KMT2E: variants seen among roughly 807,000 people sequenced by gnomAD.
KMT2E encodes the protein histone reader KMT2E.
Under a neutral mutation model 184.6 loss-of-function variants are expected in KMT2E, and 30 were observed. The observed-to-expected ratio is 0.16, with a 90% CI of 0.12 to 0.22. The LOEUF (loss-of-function observed/expected upper bound fraction) is 0.22. Ranked by LOEUF, KMT2E falls within the 10% of genes least tolerant of loss-of-function variation. KMT2E has a pLI of 1.00. For synonymous variants in KMT2E, 815 were observed against 776.5 expected (o/e 1.05, Z -0.82); for missense variants, 2,023 against 2,237.4 (o/e 0.90, Z 1.93).
Position 105,078,838 on chromosome 7 carries a change from C to G in KMT2E, c.1131-8C>G, listed in dbSNP as rs1456716835. ...TGTTAATAGCTTATAATGTTTCTTT[C>G]TTTGTAGACCATACCCTTTTGTGTT... is the stretch of plus-strand genomic sequence containing the variant. On this transcript the variant is annotated splice_region_variant and splice_polypyrimidine_tract_variant and intron_variant, in intron 11 of 26. Coordinates refer to ENST00000311117, the MANE Select transcript of KMT2E (RefSeq NM_182931.3). The G allele has an allele frequency of 6.8e-7, 1 of 1,464,244 alleles. No individual in the cohort carries two copies. The highest frequency in any genetic ancestry group is 9.6e-7 in the Non-Finnish European group (1 of 1,044,808). 90.7% of individuals were successfully genotyped at this position (1,464,244 alleles called of 1,614,324 possible). A position where few individuals can be genotyped will look rare whatever the true frequency, so the allele number is the denominator to read the frequency against.
chr7:105,086,084 A>G (rs139837225), intron 13 of KMT2E, among the ~76,000 whole-genome samples: 103 of 152,316 alleles, frequency 6.8e-4, no homozygotes, highest in African/African-American at 2.5e-3. Flanking sequence ...TGTATTCTTT[A>G]GCATTTTTTT....
At chr7:105,042,623 A>G (rs1428101669) in intron 3 of KMT2E, among the ~76,000 whole-genome samples, 1 of 152,260 alleles carries the variant, frequency 6.6e-6, no homozygotes, top group Non-Finnish European at 1.5e-5. Flanking sequence ...TCATGCTGCC[A>G]CATAGGTCAG....
intron 2 of KMT2E, chr7:105,038,406 A>G (rs563519728): frequency 9.9e-5 from 15 of 151,506 alleles, no homozygotes; most frequent in African/African-American, 3.1e-4. Flanking sequence ...CTCTGTCACC[A>G]GGCTGGAGTG....
intron 1 of KMT2E, among the ~76,000 whole-genome samples, chr7:105,036,848 T>C (rs188442638): frequency 6.6e-4 from 101 of 152,340 alleles, no homozygotes; most frequent in Admixed American, 4.4e-3. Flanking sequence ...TTATTTGGAA[T>C]AATCTGTTAA....
rs564718597 is a variant in KMT2E, at chr7:105,096,486, G to A, written c.1723-4939G>A. On this transcript the variant is annotated intron_variant, in intron 15 of 26. Coordinates refer to ENST00000311117, the MANE Select transcript of KMT2E (RefSeq NM_182931.3). The stretch of plus-strand genomic sequence containing the variant: ...TTAAAAGGACGGACATTTGAGAAAC[G>A]GTGAAAGGGTATGACAAGGAAGTCA... 7.9e-5 allele frequency among the ~76,000 whole-genome samples: 12 copies of A among 152,190 alleles called. No individual in the cohort carries two copies. The East Asian group carries it at 1.5e-3, about 20-fold the overall frequency.
At chr7:105,061,852 C>A in intron 3 of KMT2E, 1 of 207,304 alleles carries the variant, frequency 4.8e-6, no homozygotes, top group Non-Finnish European at 9.6e-6. Flanking sequence ...CTTCTTTGCA[C>A]CCCTTTGCTA....
At chr7:105,062,375 C>T (rs1264433193) in intron 4 of KMT2E, 97 bp downstream of exon 4, 1 of 696,828 alleles carries the variant, frequency 1.4e-6, no homozygotes, top group African/African-American at 1.8e-5. Flanking sequence ...GTTTGAAAAG[C>T]ATGGTTGTTT....
chr7:105,089,663 C>T (rs1319517959), intron 13 of KMT2E, among the ~76,000 whole-genome samples: 1 of 152,134 alleles, frequency 6.6e-6, no homozygotes, highest in African/African-American at 2.4e-5. Flanking sequence ...TGTGTTTAGA[C>T]CTGAATCCCA....
rs761989085 is a variant in KMT2E at position 105,112,322 on chromosome 7, A to G, written c.4566A>G (p.Thr1522=). ...QATSGTLFTQ[T]PSGQSSATYS... The stretch of plus-strand genomic sequence containing the variant: ...CTTCTGGAACATTATTTACACAGAC[A>G]CCCTCAGGACAATCTTCAGCAACAT... Residue 1522 remains threonine, a synonymous_variant, in exon 27 of 27, where the codon ACA becomes ACG. Coordinates refer to ENST00000311117, the MANE Select transcript of KMT2E (RefSeq NM_182931.3). 1 of 1,613,632 alleles carries G rather than the reference A, an allele frequency of 6.2e-7. No homozygotes were observed.
In KMT2E at chr7:105,106,779, A is replaced by G. The variant is rs763655284; in HGVS notation, c.2847+7A>G. On this transcript the variant is annotated splice_region_variant and intron_variant, in intron 20 of 26. Transcript: ENST00000311117. ...AAATACCATGCACTTTGAGGTGAGA[A>G]ATTTTAATGGAGAAAAAAAAATTCA... is the stretch of plus-strand genomic sequence containing the variant. The G allele has an allele frequency of 9.9e-6, 16 of 1,608,660 alleles. No individual in the cohort carries two copies. The highest frequency in any genetic ancestry group is 3.4e-5 in the Admixed American group (2 of 59,182).
At position 105,113,707 on chromosome 7, in the gene KMT2E, T is replaced by G. The variant is rs192379612; in HGVS notation, c.*374T>G. On this transcript the variant is annotated 3_prime_UTR_variant, in exon 27 of 27. Coordinates refer to ENST00000311117, the MANE Select transcript of KMT2E (RefSeq NM_182931.3). ...GCACTATGAGGATTTTTTTTTTCTT[T>G]CCTGTCAGCAGCAGTTCTGTGAATG... is the stretch of plus-strand genomic sequence containing the variant. 8.6e-4 allele frequency: 147 copies of G among 170,982 alleles called. 1 individual carries two copies. Among genetic ancestry groups the G allele is most frequent in the African/African-American group, 3.3e-3 (141 of 42,274 alleles). 10.6% of individuals were successfully genotyped at this position (170,982 alleles called of 1,614,324 possible).
At chr7:105,079,836 ATT>A (rs1377049705) in intron 12 of KMT2E, among the ~76,000 whole-genome samples, 37 of 149,854 alleles carry the variant, frequency 2.5e-4, no homozygotes, top group African/African-American at 9.1e-4. Flanking sequence ...AATCATTATT[ATT>A]ATTATTATTA....
intron 1 of KMT2E, among the ~76,000 whole-genome samples, chr7:105,031,260 G>C (rs1201761222): frequency 6.6e-6 from 1 of 151,794 alleles, no homozygotes; most frequent in East Asian, 1.9e-4. Flanking sequence ...GGGAGACTGA[G>C]GCAGGACAAT....
rs557938318 is a variant in KMT2E at position 105,079,327 on chromosome 7, G to A, written c.1248+364G>A. Reference sequence around the variant, plus strand: ...TTTTTTGCATTTTTAGTAGGGACGGGGTTTCACCATTTTGACCAGGCTGGT... The same window carrying A: ...TTTTTTGCATTTTTAGTAGGGACGGAGTTTCACCATTTTGACCAGGCTGGT... On this transcript the variant is annotated intron_variant, in intron 12 of 26. Coordinates refer to ENST00000311117, the MANE Select transcript of KMT2E (RefSeq NM_182931.3). Among the ~76,000 whole-genome samples the A allele has an allele frequency of 9.2e-5, 14 of 151,366 alleles. No homozygotes were observed. The South Asian group carries it at 2.9e-3, about 32-fold the overall frequency.
chr7:105,109,980 G>T (rs767686573), intron 23 of KMT2E, among the ~76,000 whole-genome samples: 40 of 151,068 alleles, frequency 2.6e-4, no homozygotes, highest in Non-Finnish European at 5.3e-4. Context: ...AGTAGCGCCC[G>T]CCACCATGCC....
In KMT2E at chr7:105,105,761, A is replaced by G. The variant is rs1310624172; in HGVS notation, c.2451+68A>G. The G allele has an allele frequency of 7.0e-6, 11 of 1,562,044 alleles. No individual in the cohort carries two copies. In the African/African-American group the frequency reaches 1.2e-4, roughly 18 times the overall value. ...GCCAACTCATTCCTTACTACCATCC[A>G]TGGTAGTGAAATGCTTTTGGAATCG... On this transcript the variant is annotated intron_variant, in intron 18 of 26. Transcript: ENST00000311117.
chr7:105,019,051 GC>G (rs759699135), intron 1 of KMT2E, among the ~76,000 whole-genome samples: 4 of 151,972 alleles, frequency 2.6e-5, no homozygotes, highest in Non-Finnish European at 5.9e-5. Context: ...AATAGCAATT[GC>G]AAGAGATAAG....
At chr7:105,102,221 G>C in intron 17 of KMT2E, 27 bp downstream of exon 17, 1 of 1,537,120 alleles carries the variant, frequency 6.5e-7, no homozygotes, top group Non-Finnish European at 8.7e-7. Flanking sequence ...TGTAAGAACT[G>C]TTTTTCTAAC....
intron 15 of KMT2E, among the ~76,000 whole-genome samples, chr7:105,096,502 A>G (rs898793018): frequency 6.6e-6 from 1 of 152,156 alleles, no homozygotes; most frequent in African/African-American, 2.4e-5. Flanking sequence ...AGGGTATGAC[A>G]AGGAAGTCAC....
Sources: allele counts gnomAD v4.1 joint callset (sites outside exome capture counted in the v4.1 genomes callset), GRCh38; gene constraint gnomAD v4.1.1; transcripts MANE v1.5; gene names NCBI Gene and HGNC (gene_info 2026-07-23, HGNC 2026-07-21).